The following CNTNAP2 variants were observed in gnomAD, a reference collection of about 807,000 sequenced individuals.
CNTNAP2 encodes contactin associated protein 2.
In CNTNAP2, 98 loss-of-function variants were observed where a neutral mutation model predicts 155.2. That is an observed-to-expected ratio of 0.63 (90% CI 0.54 to 0.75). The LOEUF (loss-of-function observed/expected upper bound fraction) is 0.75, where lower values mean the gene tolerates loss of function less well. Among genes scored for constraint, CNTNAP2 ranks in the 30% least tolerant of loss-of-function variants. The pLI, the probability that CNTNAP2 is intolerant of heterozygous loss-of-function variation, is 0.00. For synonymous variants in CNTNAP2, 651 were observed against 631.2 expected (o/e 1.03, Z -0.47); for missense variants, 1,727 against 1,688.1 (o/e 1.02, Z -0.40).
At chr7:147,786,202 G>A (rs1235559055) in intron 13 of CNTNAP2, among the ~76,000 whole-genome samples, 1 of 152,252 alleles carries the variant, frequency 6.6e-6, no homozygotes, top group Non-Finnish European at 1.5e-5. Flanking sequence ...GAACCCAGAG[G>A]TGGAGGTTGC....
At chr7:147,435,052 G>A (rs1382159384) in intron 10 of CNTNAP2, among the ~76,000 whole-genome samples, 2 of 152,146 alleles carry the variant, frequency 1.3e-5, no homozygotes, top group South Asian at 2.1e-4. Flanking sequence ...AATGGCGATC[G>A]TTATATTGAT....
chr7:146,737,810 G>T (rs1022390000), intron 1 of CNTNAP2, among the ~76,000 whole-genome samples: 8 of 152,032 alleles, frequency 5.3e-5, no homozygotes, highest in African/African-American at 1.9e-4. Context: ...TACTGCAAAT[G>T]ATAACACTTC....
intron 1 of CNTNAP2, among the ~76,000 whole-genome samples, chr7:146,144,049 A>C (rs1181626780): frequency 6.6e-6 from 1 of 152,222 alleles, no homozygotes; most frequent in Non-Finnish European, 1.5e-5. Context: ...GGTGTGAGCC[A>C]CCATGCCCAG....
chr7:148,302,813 C>CTTTTTTT (rs59354674), intron 21 of CNTNAP2, among the ~76,000 whole-genome samples: 77 of 86,902 alleles, frequency 8.9e-4, no homozygotes, highest in East Asian at 2.7e-3. Context: ...CTCGATTATT[C>CTTTTTTT]TTTTTTTTTT....
At position 147,793,668 on chromosome 7, in the gene CNTNAP2, A is replaced by G. The variant is rs139353717; in HGVS notation, c.2099-109897A>G. 2.2e-3 allele frequency among the ~76,000 whole-genome samples: 340 copies of G among 152,230 alleles called. 10 individuals are homozygous for G. In the East Asian group the frequency reaches 0.052, roughly 23 times the overall value. On this transcript the variant is annotated intron_variant, in intron 13 of 23. Transcript: ENST00000361727. ...TGTTCTGAGTCCCTTGAATTTTCAC[A>G]TGAAATTTAAGATCAGCTTGTCAAT...
chr7:146,188,590 G>T lies in CNTNAP2; in HGVS notation c.97+71617G>T, dbSNP rs139736030. Among the ~76,000 whole-genome samples the T allele has an allele frequency of 5.9e-5, 9 of 152,150 alleles. No individual in the cohort carries two copies. In the East Asian group the frequency reaches 1.7e-3, roughly 29 times the overall value. On this transcript the variant is annotated intron_variant, in intron 1 of 23. Transcript: ENST00000361727. ...TCTAGAAAATGTTAGATATACCTTGGACTCATCTGATTCTAGGCTATTATG... is the reference window on the plus strand; with the variant it reads ...TCTAGAAAATGTTAGATATACCTTGTACTCATCTGATTCTAGGCTATTATG...
intron 3 of CNTNAP2, among the ~76,000 whole-genome samples, chr7:147,010,678 G>A (rs1798606904): frequency 6.6e-6 from 1 of 152,078 alleles, no homozygotes; most frequent in African/African-American, 2.4e-5. Flanking sequence ...AAAGACATGA[G>A]TAAATAAATG....
intron 14 of CNTNAP2, among the ~76,000 whole-genome samples, chr7:147,974,577 A>T (rs1801394037): frequency 6.6e-6 from 1 of 152,192 alleles, no homozygotes; most frequent in African/African-American, 2.4e-5. Flanking sequence ...GTGAGTCGAG[A>T]TCGTGCCATT....
At chr7:146,193,555 G>C (rs1489653246) in intron 1 of CNTNAP2, among the ~76,000 whole-genome samples, 1 of 152,300 alleles carries the variant, frequency 6.6e-6, no homozygotes, top group Non-Finnish European at 1.5e-5. Flanking sequence ...TGGAGCAGCT[G>C]GGGCAGAGGG....
chr7:146,979,523 T>C (rs1797974649), intron 3 of CNTNAP2, among the ~76,000 whole-genome samples: 1 of 152,206 alleles, frequency 6.6e-6, no homozygotes, highest in Non-Finnish European at 1.5e-5. Context: ...CAATTTAAGG[T>C]TTCACAGCCT....
At chr7:146,340,185 A>AAT (rs1392081987) in intron 1 of CNTNAP2, among the ~76,000 whole-genome samples, 1 of 149,682 alleles carries the variant, frequency 6.7e-6, no homozygotes, top group Non-Finnish European at 1.5e-5. Flanking sequence ...AAAAAAAAAA[A>AAT]AAAAAAGAAA....
At chr7:146,541,298 T>C (rs1797949480) in intron 1 of CNTNAP2, among the ~76,000 whole-genome samples, 1 of 152,048 alleles carries the variant, frequency 6.6e-6, no homozygotes, top group Admixed American at 6.6e-5. Flanking sequence ...TATGTTGCTC[T>C]CCCTACTGAA....
In CNTNAP2 at chr7:146,428,973, A is replaced by T. The variant is rs1284802148; in HGVS notation, c.97+312000A>T. Among the ~76,000 whole-genome samples, 9 of 152,232 alleles carry T rather than the reference A, an allele frequency of 5.9e-5. No homozygotes were observed. In the East Asian group the frequency reaches 1.7e-3, roughly 29 times the overall value. The stretch of plus-strand genomic sequence containing the variant: ...AATTTTCAATTTTCTGCATATGGCT[A>T]GCAGGGAATCTTTCCTCCATTGCTT... On this transcript the variant is annotated intron_variant, in intron 1 of 23. Coordinates refer to ENST00000361727, the MANE Select transcript of CNTNAP2 (RefSeq NM_014141.6).
intron 1 of CNTNAP2, among the ~76,000 whole-genome samples, chr7:146,153,033 G>A (rs948638248): frequency 1.3e-5 from 2 of 152,112 alleles, no homozygotes; most frequent in Non-Finnish European, 2.9e-5. Flanking sequence ...TGTCCTCATA[G>A]GGTTTCGTGT....
At chr7:148,050,850 CT>C (rs2116494093) in intron 15 of CNTNAP2, among the ~76,000 whole-genome samples, 1 of 152,268 alleles carries the variant, frequency 6.6e-6, no homozygotes, top group Admixed American at 6.5e-5. Flanking sequence ...TTACAACTGT[CT>C]ACAGTATTTA....
At position 147,583,026 on chromosome 7, in the gene CNTNAP2, A is replaced by G. The variant is rs185472595; in HGVS notation, c.1897+20769A>G. On this transcript the variant is annotated intron_variant, in intron 12 of 23. Coordinates refer to ENST00000361727, the MANE Select transcript of CNTNAP2 (RefSeq NM_014141.6). Reference sequence around the variant, plus strand: ...CAAGCAGATTCCCAGGAAGTCTCCTAAGGTGATATTGATTACATTCATAAT... The same window carrying G: ...CAAGCAGATTCCCAGGAAGTCTCCTGAGGTGATATTGATTACATTCATAAT... Among the ~76,000 whole-genome samples, 437 of 152,282 alleles carry G rather than the reference A, an allele frequency of 2.9e-3. 3 individuals are homozygous for G. The highest frequency in any genetic ancestry group is 9.9e-3 in the African/African-American group (412 of 41,572).
chr7:146,869,663 C>G (rs1172170121), intron 3 of CNTNAP2, among the ~76,000 whole-genome samples: 1 of 152,102 alleles, frequency 6.6e-6, no homozygotes, highest in African/African-American at 2.4e-5. Context: ...CCTTGCAAAC[C>G]ACTGGTATAA....
intron 10 of CNTNAP2, among the ~76,000 whole-genome samples, chr7:147,413,196 A>C (rs930296619): frequency 2.6e-5 from 4 of 152,220 alleles, no homozygotes; most frequent in African/African-American, 9.6e-5. Context: ...CTACTTTGCC[A>C]GTGAATTGAG....
chr7:148,145,890 C>G (rs1464234528), intron 16 of CNTNAP2, among the ~76,000 whole-genome samples: 4 of 152,134 alleles, frequency 2.6e-5, no homozygotes, highest in African/African-American at 9.7e-5. Flanking sequence ...TGTCCAATGA[C>G]CACAGGTGTT....
Sources: gnomAD v4.1 joint callset for allele counts (sites outside exome capture counted in the v4.1 genomes callset) on GRCh38, gnomAD v4.1.1 for gene constraint, MANE v1.5 for transcripts, NCBI Gene and HGNC (gene_info 2026-07-23, HGNC 2026-07-21) for gene names.